Variants in ANO4 observed in about 807,000 individuals in gnomAD.
ANO4 encodes anoctamin 4, also known as anoctamin-4.
ANO4 carries 69 observed loss-of-function variants against 141.9 expected under a neutral mutation model. The observed-to-expected ratio is 0.49, with a 90% CI of 0.40 to 0.59. The LOEUF (loss-of-function observed/expected upper bound fraction) is 0.59. ANO4 is among the 20% of genes least tolerant of loss of function. ANO4 has a pLI of 0.00. For missense variants in ANO4, 894 were observed against 1,162.2 expected (o/e 0.77, Z 3.36); for synonymous variants, 350 against 394.3 (o/e 0.89, Z 1.33).
intron 3 of ANO4, among the ~76,000 whole-genome samples, chr12:100,763,506 C>T (rs556306185): frequency 1.3e-5 from 2 of 152,316 alleles, no homozygotes; most frequent in East Asian, 3.9e-4. Context: ...CTAGCCCTTG[C>T]TGTGCTAGCC....
rs954901756 is a variant in ANO4 at position 101,010,116 on chromosome 12, T to C, written c.735-9918T>C. Among the ~76,000 whole-genome samples, 7 of 152,174 alleles carry C rather than the reference T, an allele frequency of 4.6e-5. No homozygotes were observed. The East Asian group carries it at 9.6e-4, about 21-fold the overall frequency. ...TACATAGATCTGTCTGCTTGGCACA[T>C]TCCAACATTTTGATGCTGTTGTTTT... On this transcript the variant is annotated intron_variant, in intron 8 of 27. Coordinates refer to ENST00000392977, the MANE Select transcript of ANO4 (RefSeq NM_001286615.2).
At chr12:101,055,396 T>C (rs1444234550) in intron 14 of ANO4, among the ~76,000 whole-genome samples, 1 of 152,240 alleles carries the variant, frequency 6.6e-6, no homozygotes, top group Non-Finnish European at 1.5e-5. Context: ...ATTATCCCAT[T>C]GCAGTTTTAA....
intron 1 of ANO4, among the ~76,000 whole-genome samples, chr12:100,894,393 G>A (rs1177836229): frequency 6.6e-6 from 1 of 151,922 alleles, no homozygotes; most frequent in African/African-American, 2.4e-5. Context: ...GGGAGCGGGG[G>A]CGGTCCTACG....
At chr12:100,981,521 AAAG>A (rs2044463202) in intron 7 of ANO4, among the ~76,000 whole-genome samples, 1 of 152,104 alleles carries the variant, frequency 6.6e-6, no homozygotes, top group Admixed American at 6.6e-5. Context: ...AAAGAAAAGA[AAAG>A]AAAGCTCATC....
At chr12:100,923,853 A>G (rs2041748199) in intron 3 of ANO4, among the ~76,000 whole-genome samples, 2 of 152,044 alleles carry the variant, frequency 1.3e-5, no homozygotes, top group African/African-American at 2.4e-5. Context: ...ATGGTATCTC[A>G]TGGTGGTTTT....
intron 3 of ANO4, among the ~76,000 whole-genome samples, chr12:100,928,823 T>C (rs1361485275): frequency 2.6e-5 from 4 of 152,116 alleles, no homozygotes; most frequent in Non-Finnish European, 4.4e-5. Context: ...TAAGAGAAGC[T>C]CTTCTTAGCA....
intron 13 of ANO4, 107 bp from the exon 14 acceptor site, chr12:101,048,234 G>A (rs1026560594): frequency 1.9e-5 from 25 of 1,323,826 alleles, no homozygotes; most frequent in Admixed American, 4.0e-5. Context: ...AACAAAGCCT[G>A]TAAAACTCAT....
At chr12:100,729,001 G>C (rs1223308362) in intron 1 of ANO4, among the ~76,000 whole-genome samples, 1 of 151,494 alleles carries the variant, frequency 6.6e-6, no homozygotes, top group Non-Finnish European at 1.5e-5. Context: ...TTCCCCGTCA[G>C]TGGAACCACC....
At chr12:100,733,676 G>C in intron 1 of ANO4, 1 of 616,946 alleles carries the variant, frequency 1.6e-6, no homozygotes, top group Non-Finnish European at 2.9e-6. Context: ...TCATAGACAA[G>C]GAGAGCTGGT....
intron 8 of ANO4, among the ~76,000 whole-genome samples, chr12:101,008,155 G>C (rs976568919): frequency 7.9e-5 from 12 of 152,192 alleles, no homozygotes; most frequent in Non-Finnish European, 1.6e-4. Context: ...TGACAAATAT[G>C]TTATTCCAAA....
At chr12:100,832,493 A>T (rs1339986512) in intron 1 of ANO4, among the ~76,000 whole-genome samples, 1 of 152,096 alleles carries the variant, frequency 6.6e-6, no homozygotes, top group Non-Finnish European at 1.5e-5. Flanking sequence ...CCTAGAACCG[A>T]TGACTTTTGC....
At chr12:101,057,208 T>C (rs781070582) in intron 14 of ANO4, among the ~76,000 whole-genome samples, 43 of 152,290 alleles carry the variant, frequency 2.8e-4, no homozygotes, top group Non-Finnish European at 5.1e-4. Context: ...GGCTGCATAG[T>C]ATTCCATGTT....
At chr12:100,763,489 CT>C (rs1298058840) in intron 3 of ANO4, among the ~76,000 whole-genome samples, 1 of 152,214 alleles carries the variant, frequency 6.6e-6, no homozygotes, top group Non-Finnish European at 1.5e-5. Flanking sequence ...ATCTCTAGTG[CT>C]TTTGACTAGC....
rs148886506 is a variant in ANO4 at position 100,864,147 on chromosome 12, A to C, written c.-140-37499A>C. On this transcript the variant is annotated intron_variant, in intron 1 of 27. Coordinates refer to ENST00000392977, the MANE Select transcript of ANO4 (RefSeq NM_001286615.2). Reference sequence around the variant, plus strand: ...GTCACTGCAGCAGAAGTCCCAAAATATGACTCTAACAATGTCGTATGCCCG... The same window carrying C: ...GTCACTGCAGCAGAAGTCCCAAAATCTGACTCTAACAATGTCGTATGCCCG... Among the ~76,000 whole-genome samples the C allele has an allele frequency of 5.1e-4, 77 of 152,280 alleles. 2 individuals are homozygous for C. The East Asian group carries it at 0.012, about 24-fold the overall frequency.
chr12:100,738,494 G>T lies in ANO4; in HGVS notation c.107-1360G>T, dbSNP rs557777592. Among the ~76,000 whole-genome samples, 5 of 152,154 alleles carry T rather than the reference G, an allele frequency of 3.3e-5. No individual in the cohort carries two copies. The East Asian group carries it at 7.7e-4, about 23-fold the overall frequency. On this transcript the variant is annotated intron_variant, in intron 2 of 29. Transcript: ENST00000644049. ...GAAATTTCCTAAACAAAAAAGACTT[G>T]TTAGCTGTGTGAACTATATTTTTTC... is the stretch of plus-strand genomic sequence containing the variant.
At chr12:101,005,066 T>C (rs896147495) in intron 8 of ANO4, among the ~76,000 whole-genome samples, 3 of 152,296 alleles carry the variant, frequency 2.0e-5, no homozygotes, top group African/African-American at 7.2e-5. Context: ...TCAGCTCATA[T>C]AAAAATGAGA....
At chr12:101,009,441 G>A (rs898302392) in intron 8 of ANO4, among the ~76,000 whole-genome samples, 6 of 152,042 alleles carry the variant, frequency 3.9e-5, no homozygotes, top group South Asian at 2.1e-4. Flanking sequence ...TGAAGTATAT[G>A]TTCATTATAC....
chr12:100,776,510 G>C (rs1282106820), intron 3 of ANO4, among the ~76,000 whole-genome samples: 2 of 152,136 alleles, frequency 1.3e-5, no homozygotes, highest in Non-Finnish European at 2.9e-5. Flanking sequence ...GGGGGATACA[G>C]GGGCAAGGGC....
chr12:100,874,751 C>T (rs1274441301), intron 1 of ANO4, among the ~76,000 whole-genome samples: 1 of 152,078 alleles, frequency 6.6e-6, no homozygotes, highest in African/African-American at 2.4e-5. Flanking sequence ...AACTCCTGGC[C>T]TCAAGTCATC....
Sources: gnomAD v4.1 joint callset for allele counts (sites outside exome capture counted in the v4.1 genomes callset) on GRCh38, gnomAD v4.1.1 for gene constraint, MANE v1.5 for transcripts, NCBI Gene and HGNC (gene_info 2026-07-23, HGNC 2026-07-21) for gene names.